The following UNC13C variants were observed in gnomAD, a reference collection of about 807,000 sequenced individuals.
UNC13C encodes the protein protein unc-13 homolog C.
A neutral mutation model predicts 245.4 loss-of-function variants in UNC13C; 174 were observed. The ratio of observed to expected loss-of-function variants is 0.71; its 90% CI spans 0.63 to 0.80. The LOEUF (loss-of-function observed/expected upper bound fraction) is 0.80. Among genes scored for constraint, UNC13C ranks in the 30% least tolerant of loss-of-function variants. The probability of loss-of-function intolerance (pLI) is 0.00; values close to 1 mark genes in which losing one functional copy is unlikely to be tolerated. For synonymous variants in UNC13C, 992 were observed against 895.1 expected (o/e 1.11, Z -1.93); for missense variants, 2,829 against 2,602.9 (o/e 1.09, Z -1.89).
rs370281512 is a variant in UNC13C at position 54,450,345 on chromosome 15, T to G, written c.4933+35278T>G. Among the ~76,000 whole-genome samples, 140 of 152,384 alleles carry G rather than the reference T, an allele frequency of 9.2e-4. 1 individual carries two copies. The highest frequency in any genetic ancestry group is 6.8e-3 in the Middle Eastern group (2 of 294). ...CTGCACAGGTTTCTGTTGCCTTTTG[T>G]TCAGCTATGCCCTGCCCCCAGAGGT... is the stretch of plus-strand genomic sequence containing the variant. On this transcript the variant is annotated intron_variant, in intron 19 of 32. Coordinates refer to ENST00000260323, the MANE Select transcript of UNC13C (RefSeq NM_001080534.3).
At chr15:54,233,989 A>C (rs1476752689) in intron 4 of UNC13C, among the ~76,000 whole-genome samples, 2 of 152,198 alleles carry the variant, frequency 1.3e-5, no homozygotes, top group African/African-American at 2.4e-5. Context: ...TAAAAAGTCA[A>C]ATTCAATGTA....
chr15:54,356,730 G>A (rs2039103243), intron 17 of UNC13C, among the ~76,000 whole-genome samples: 1 of 152,064 alleles, frequency 6.6e-6, no homozygotes, highest in African/African-American at 2.4e-5. Context: ...GAATACTTTA[G>A]CAATAAAACA....
At chr15:53,891,069 G>T in the UNC13C span, among the ~76,000 whole-genome samples, 1 of 152,014 alleles carries the variant, frequency 6.6e-6, no homozygotes. Context: ...TTGTGTCTTT[G>T]TTCCCATTGG....
At chr15:54,105,476 C>CAT (rs1028885965) in intron 2 of UNC13C, among the ~76,000 whole-genome samples, 32 of 152,226 alleles carry the variant, frequency 2.1e-4, no homozygotes, top group African/African-American at 7.7e-4. Context: ...TGAAGGTTTT[C>CAT]ATATATTTTT....
At chr15:53,906,302 G>A in the UNC13C span, among the ~76,000 whole-genome samples, 1 of 152,088 alleles carries the variant, frequency 6.6e-6, no homozygotes, top group Non-Finnish European at 1.5e-5. Flanking sequence ...CTCCAGCCTG[G>A]GTAAGACCCT....
intron 7 of UNC13C, among the ~76,000 whole-genome samples, chr15:54,247,548 T>C (rs1464248111): frequency 1.3e-5 from 2 of 152,258 alleles, no homozygotes; most frequent in East Asian, 3.9e-4. Flanking sequence ...AATTTTCAGC[T>C]TTGATAAATA....
At chr15:54,243,399 G>A (rs1193252625) in intron 7 of UNC13C, among the ~76,000 whole-genome samples, 2 of 152,100 alleles carry the variant, frequency 1.3e-5, no homozygotes, top group African/African-American at 4.8e-5. Context: ...TGGACATTTG[G>A]GTTGATTCCA....
chr15:54,265,159 C>A lies in UNC13C; in HGVS notation c.3677-196C>A, dbSNP rs978902194. 4.6e-5 allele frequency among the ~76,000 whole-genome samples: 7 copies of A among 151,654 alleles called. No homozygotes were observed. In the East Asian group the frequency reaches 1.2e-3, roughly 25 times the overall value. On this transcript the variant is annotated intron_variant, in intron 9 of 32. Transcript: ENST00000260323. ...AGCTACTTTTCATTAAAGACAAGGG[C>A]AAAAATTACAGATTTTAATGTTGTA...
the UNC13C span, among the ~76,000 whole-genome samples, chr15:53,873,194 C>CT: frequency 2.0e-5 from 3 of 151,966 alleles, no homozygotes; most frequent in African/African-American, 7.3e-5. Context: ...TCCTGTTTCT[C>CT]TAACACCAAT....
chr15:54,486,821 T>G (rs1893440994), intron 19 of UNC13C, among the ~76,000 whole-genome samples: 1 of 152,228 alleles, frequency 6.6e-6, no homozygotes, highest in East Asian at 1.9e-4. Flanking sequence ...TATGTGGATC[T>G]ACCTGTATAC....
chr15:54,044,449 T>G (rs762501125), intron 2 of UNC13C: 1 of 329,528 alleles, frequency 3.0e-6, no homozygotes, highest in Non-Finnish European at 6.2e-6. Context: ...GATCTAGAGG[T>G]AGGATTACTT....
chr15:54,400,671 AACC>A (rs1008833538), intron 18 of UNC13C, among the ~76,000 whole-genome samples: 4 of 152,110 alleles, frequency 2.6e-5, no homozygotes, highest in African/African-American at 9.7e-5. Flanking sequence ...TTTCTTCATC[AACC>A]TTTCCTATAA....
chr15:54,072,834 T>C (rs1413529423), intron 2 of UNC13C, among the ~76,000 whole-genome samples: 2 of 152,122 alleles, frequency 1.3e-5, no homozygotes, highest in Non-Finnish European at 2.9e-5. Context: ...AACCTTGACG[T>C]TGCCAACAAT....
upstream of UNC13C, among the ~76,000 whole-genome samples, chr15:53,973,461 T>C (rs1274495706): frequency 6.6e-6 from 1 of 152,032 alleles, no homozygotes; most frequent in Non-Finnish European, 1.5e-5. Flanking sequence ...TTAAGAAACT[T>C]TACTAAAGTC....
At chr15:54,067,053 G>C (rs541358514) in intron 2 of UNC13C, among the ~76,000 whole-genome samples, 1 of 152,186 alleles carries the variant, frequency 6.6e-6, no homozygotes, top group Admixed American at 6.5e-5. Flanking sequence ...CCTGGCTCAT[G>C]CTGATATTTT....
In UNC13C at chr15:54,013,737, C is replaced by T; in HGVS notation, c.834C>T (p.Ser278=). The T allele has an allele frequency of 6.2e-7, 1 of 1,612,340 alleles. No individual in the cohort carries two copies. The highest frequency in any genetic ancestry group is 8.5e-7 in the Non-Finnish European group (1 of 1,179,198). ...NALKHSIDEI[S]SSVEVVQSEI... Reference sequence around the variant, plus strand: ...TCAAGCACTCCATCGATGAGATCTCCAGCAGTGTGGAGGTTGTACAAAGTG... The same window carrying T: ...TCAAGCACTCCATCGATGAGATCTCTAGCAGTGTGGAGGTTGTACAAAGTG... Residue 278 remains serine (S), a synonymous_variant, in exon 2 of 33, where the codon TCC becomes TCT. Transcript: ENST00000260323.
chr15:54,580,910 C>T (rs1898171536), intron 30 of UNC13C, among the ~76,000 whole-genome samples: 2 of 152,114 alleles, frequency 1.3e-5, no homozygotes, highest in African/African-American at 2.4e-5. Context: ...TTTCTAGGAA[C>T]CCCTTCTCCA....
At chr15:53,842,301 G>A in the UNC13C span, among the ~76,000 whole-genome samples, 1 of 152,154 alleles carries the variant, frequency 6.6e-6, no homozygotes, top group Non-Finnish European at 1.5e-5. Flanking sequence ...TTGTTGAAAA[G>A]ATAAAAGGAA....
At chr15:54,611,958 C>G (rs962308085) in intron 30 of UNC13C, among the ~76,000 whole-genome samples, 67 of 152,208 alleles carry the variant, frequency 4.4e-4, no homozygotes, top group South Asian at 1.0e-3. Context: ...TCTGAACTGT[C>G]AAGTTTACAA....
Sources: allele counts gnomAD v4.1 joint callset (sites outside exome capture counted in the v4.1 genomes callset), GRCh38; gene constraint gnomAD v4.1.1; transcripts MANE v1.5; gene names NCBI Gene and HGNC (gene_info 2026-07-23, HGNC 2026-07-21).